Variants in OTUB2 observed in about 807,000 individuals in gnomAD.
The protein encoded by OTUB2 is ubiquitin thioesterase OTUB2.
Under a neutral mutation model 25.1 loss-of-function variants are expected in OTUB2, and 21 were observed. The observed-to-expected ratio is 0.84, with a 90% CI of 0.59 to 1.21. The LOEUF (loss-of-function observed/expected upper bound fraction) is 1.21. OTUB2 is among the 50% of genes most tolerant of loss of function. The probability of loss-of-function intolerance (pLI) is 0.00; values close to 1 mark genes in which losing one functional copy is unlikely to be tolerated. For synonymous variants in OTUB2, 122 were observed against 122.8 expected, an observed-to-expected ratio of 0.99 and a Z score of 0.04; for missense variants, 283 against 298.0, an observed-to-expected ratio of 0.95 and a Z score of 0.37.
intron 1 of OTUB2, among the ~76,000 whole-genome samples, chr14:94,036,575 G>A (rs747063473): frequency 6.6e-6 from 1 of 152,136 alleles, no homozygotes; most frequent in Non-Finnish European, 1.5e-5. Context: ...CTGCTAGAAC[G>A]TGTCTCCTGC....
rs1209599092 is a variant in OTUB2, at chr14:94,037,664, GA to G, written c.99+190del. ...CCTTTCATTCCAAAAAAAAAAAAAG[GA>G]TTTTTTTTTGTTGAAAAGTTTAGCA... On this transcript the variant is annotated intron_variant, in intron 2 of 5. Coordinates refer to ENST00000203664, the MANE Select transcript of OTUB2 (RefSeq NM_023112.4). Among the ~76,000 whole-genome samples the G allele has an allele frequency of 7.1e-5, 10 of 140,754 alleles. No homozygotes were observed. The South Asian group carries it at 9.5e-4, about 13-fold the overall frequency. The allele number at this position is 140,754 out of a possible 152,430, so 92.3% of individuals were successfully genotyped here.
chr14:94,045,278 A>G (rs984054213), intron 5 of OTUB2, among the ~76,000 whole-genome samples: 31 of 152,162 alleles, frequency 2.0e-4, no homozygotes, highest in African/African-American at 7.5e-4. Context: ...TGCTTCTTCC[A>G]TCGTCTCTGC....
chr14:94,028,777 A>G (rs1414713860), intron 1 of OTUB2, among the ~76,000 whole-genome samples: 1 of 152,226 alleles, frequency 6.6e-6, no homozygotes, highest in East Asian at 1.9e-4. Flanking sequence ...CATGCCTAAG[A>G]GGCCTAAGGA....
In OTUB2 at chr14:94,038,976, G is replaced by C. The variant is rs892032401; in HGVS notation, c.113G>C (p.Arg38Thr). 1 of 1,614,220 alleles carries C rather than the reference G, an allele frequency of 6.2e-7. No homozygotes were observed. Among genetic ancestry groups the C allele is most frequent in the African/African-American group, 1.3e-5 (1 of 75,060 alleles). ...TGTCCCCCTCAGGAACTCAGCAAAA[G>C]GTTCACCGCCATCCGCAAGACCAAA... Reference protein sequence around the residue: ...YRRKIEELSKRFTAIRKTKGD... With the variant: ...YRRKIEELSKTFTAIRKTKGD... The change falls in exon 3 of 6, where the codon AGG (arginine) becomes ACG (threonine). Residue 38 changes from arginine (R) to threonine (T), a missense_variant. Arg to Thr is a moderately conservative substitution (Grantham distance 71). Transcript: ENST00000203664.
At chr14:94,043,829 T>C (rs1885207992) in intron 3 of OTUB2, 142 bp from the exon 4 acceptor site, 7 of 751,598 alleles carry the variant, frequency 9.3e-6, no homozygotes, top group Admixed American at 1.8e-5. Context: ...TGGCTGTGTG[T>C]TGGGGGCAGG....
chr14:94,034,739 G>T (rs980216147), intron 1 of OTUB2, among the ~76,000 whole-genome samples: 1 of 152,336 alleles, frequency 6.6e-6, no homozygotes, highest in East Asian at 1.9e-4. Context: ...CCTCACGCTC[G>T]CAGGATGGCT....
chr14:94,030,526 A>G (rs941638427), intron 1 of OTUB2, among the ~76,000 whole-genome samples: 1 of 151,830 alleles, frequency 6.6e-6, no homozygotes, highest in African/African-American at 2.4e-5. Flanking sequence ...GATAAGAGGG[A>G]AGGCCCGGGC....
At chr14:94,043,494 G>A (rs1220282605) in intron 3 of OTUB2, among the ~76,000 whole-genome samples, 1 of 152,248 alleles carries the variant, frequency 6.6e-6, no homozygotes, top group Admixed American at 6.5e-5. Context: ...TGCAGTAGGT[G>A]CAGAGAGTAA....
rs942374584 is a variant in OTUB2 at position 94,026,343 on chromosome 14, G to A, written c.-195G>A. The A allele has an allele frequency of 2.9e-5, 35 of 1,225,402 alleles. No individual in the cohort carries two copies. The highest frequency in any genetic ancestry group is 3.6e-5 in the Non-Finnish European group (35 of 983,714). 75.9% of individuals were successfully genotyped at this position (1,225,402 alleles called of 1,614,324 possible). ...GCCCGCCTGAGACGTCAATCGCAGG[G>A]CGTGTGTCTTGCTGGGACACAGTGG... On this transcript the variant is annotated 5_prime_UTR_variant, in exon 1 of 6. Transcript: ENST00000203664.
Position 94,026,378 on chromosome 14 carries a change from C to T in OTUB2, c.-160C>T, listed in dbSNP as rs1229631800. 18 of 1,252,776 alleles carry T rather than the reference C, an allele frequency of 1.4e-5. No homozygotes were observed. The highest frequency in any genetic ancestry group is 1.6e-5 in the Non-Finnish European group (16 of 997,210). The allele number at this position is 1,252,776 out of a possible 1,614,324, so 77.6% of individuals were successfully genotyped here. On this transcript the variant is annotated 5_prime_UTR_variant, in exon 1 of 6. Coordinates refer to ENST00000203664, the MANE Select transcript of OTUB2 (RefSeq NM_023112.4). ...TGCTGGGACACAGTGGAGGTCTAAC[C>T]TTTGGTTTGCGGAGCGGTCGGGTGT... is the stretch of plus-strand genomic sequence containing the variant.
At position 94,046,220 on chromosome 14, in the gene OTUB2, T is replaced by A; in HGVS notation, c.*298T>A. The A allele has an allele frequency of 2.0e-6, 1 of 500,338 alleles. No homozygotes were observed. The highest frequency in any genetic ancestry group is 3.5e-5 in the East Asian group (1 of 28,912). The allele number at this position is 500,338 out of a possible 1,614,324, so 31.0% of individuals were successfully genotyped here. A position where few individuals can be genotyped will look rare whatever the true frequency, so the allele number is the denominator to read the frequency against. On this transcript the variant is annotated 3_prime_UTR_variant, in exon 6 of 6. Transcript: ENST00000203664. ...CCCTCTCTGGACTTGTTTCTTCAAC[T>A]GGAGGAGGTCCCTGCCTATGCTGAC... is the stretch of plus-strand genomic sequence containing the variant.
chr14:94,042,819 A>G (rs2141413872), intron 3 of OTUB2, among the ~76,000 whole-genome samples: 1 of 152,294 alleles, frequency 6.6e-6, no homozygotes, highest in Admixed American at 6.5e-5. Context: ...GTTCGCCCTC[A>G]GCACCCCTGC....
At chr14:94,043,920 C>T (rs573025399) in intron 3 of OTUB2, 51 bp from the exon 4 acceptor site, 1 of 1,544,302 alleles carries the variant, frequency 6.5e-7, no homozygotes, top group African/African-American at 1.4e-5. Flanking sequence ...TTGCCAATCA[C>T]AGCACTCTCG....
chr14:94,031,350 G>GCC (rs1007101230), intron 1 of OTUB2, among the ~76,000 whole-genome samples: 3 of 152,170 alleles, frequency 2.0e-5, no homozygotes, highest in African/African-American at 7.2e-5. Flanking sequence ...AGCCCCTGGA[G>GCC]CAGTCCATAG....
rs774539678 is a variant in OTUB2 at position 94,039,005 on chromosome 14, G to C, written c.142G>C (p.Asp48His). ...CACCGCCATCCGCAAGACCAAAGGG[G>C]ATGGGAACTGCTTCTACAGGGCCTT... Reference protein sequence around the residue: ...RFTAIRKTKGDGNCFYRALGY... With the variant: ...RFTAIRKTKGHGNCFYRALGY... Residue 48 changes from aspartate to histidine, a missense_variant, in exon 3 of 6, where the codon GAT (aspartate) becomes CAT (histidine). Transcript: ENST00000203664. 6 of 1,614,120 alleles carry C rather than the reference G, an allele frequency of 3.7e-6. No homozygotes were observed. Among genetic ancestry groups the C allele is most frequent in the Non-Finnish European group, 5.1e-6 (6 of 1,180,046 alleles).
chr14:94,046,504 A>AG lies in OTUB2; in HGVS notation c.*582_*583insG, dbSNP rs1204598266. The AG allele has an allele frequency of 6.5e-6, 1 of 153,246 alleles. No homozygotes were observed. The highest frequency in any genetic ancestry group is 1.5e-5 in the Non-Finnish European group (1 of 68,606). 9.5% of individuals were successfully genotyped at this position (153,246 alleles called of 1,614,324 possible). A position where few individuals can be genotyped will look rare whatever the true frequency, so the allele number is the denominator to read the frequency against. On this transcript the variant is annotated 3_prime_UTR_variant, in exon 6 of 6. Coordinates refer to ENST00000203664, the MANE Select transcript of OTUB2 (RefSeq NM_023112.4). ...ACCCCTAACTTAAGGAGAAAAAAAA[A>AG]AAGACTTCCTTTTTTTGCCAAAGTC...
In OTUB2 at chr14:94,039,406, AAAG is replaced by A. The variant is rs1292436397; in HGVS notation, c.218+329_218+331del. The A allele has an allele frequency of 5.0e-4, 163 of 325,304 alleles. 1 individual carries two copies. The highest frequency in any genetic ancestry group is 1.5e-4 in the Non-Finnish European group (27 of 176,282). The allele number at this position is 325,304 out of a possible 1,614,324, so 20.2% of individuals were successfully genotyped here. On this transcript the variant is annotated intron_variant, in intron 3 of 5. Transcript: ENST00000203664. ...TGAAAAGAAAAGAAAAGACAAACAA[AAAG>A]AAGCTTTGCCCCGGTGTTCTGCATA...
chr14:94,045,422 C>T (rs537987385), intron 5 of OTUB2, among the ~76,000 whole-genome samples: 2 of 152,324 alleles, frequency 1.3e-5, no homozygotes, highest in Admixed American at 6.5e-5. Context: ...GTCTGCCCCC[C>T]GTTTCCAGAT....
intron 2 of OTUB2, among the ~76,000 whole-genome samples, 172 bp from the exon 3 acceptor site, chr14:94,038,791 T>C (rs961533487): frequency 1.3e-5 from 2 of 152,092 alleles, no homozygotes; most frequent in African/African-American, 4.8e-5. Flanking sequence ...CAATGCAGTG[T>C]ATTTTTATAT....
Sources: gnomAD v4.1 joint callset for allele counts (sites outside exome capture counted in the v4.1 genomes callset) on GRCh38, gnomAD v4.1.1 for gene constraint, MANE v1.5 for transcripts, NCBI Gene and HGNC (gene_info 2026-07-23, HGNC 2026-07-21) for gene names.